CD3G: variants seen among roughly 807,000 people sequenced by gnomAD.
CD3G encodes the protein T-cell surface glycoprotein CD3 gamma chain.
CD3G carries 24 observed loss-of-function variants against 28.3 expected under a neutral mutation model. That is an observed-to-expected ratio of 0.85 (90% CI 0.61 to 1.19). The LOEUF (loss-of-function observed/expected upper bound fraction) is 1.19. Among genes scored for constraint, CD3G ranks in the 50% most tolerant of loss-of-function variants. The probability of loss-of-function intolerance (pLI) is 0.00; values close to 1 mark genes in which losing one functional copy is unlikely to be tolerated. For missense variants in CD3G, 211 were observed against 210.0 expected, an observed-to-expected ratio of 1.00 and a Z score of -0.03; for synonymous variants, 71 against 75.9, an observed-to-expected ratio of 0.93 and a Z score of 0.34.
intron 5 of CD3G, 95 bp downstream of exon 5, chr11:118,351,766 T>A: frequency 9.0e-7 from 1 of 1,110,378 alleles, no homozygotes; most frequent in South Asian, 1.3e-5. Flanking sequence ...CCTATACAGG[T>A]AAGAAACTGC....
intron 5 of CD3G, among the ~76,000 whole-genome samples, chr11:118,352,027 A>G (rs533592478): frequency 2.0e-5 from 3 of 152,252 alleles, no homozygotes; most frequent in African/African-American, 7.2e-5. Flanking sequence ...AGCCTGGCCA[A>G]CATGATGAAA....
intron 1 of CD3G, 37 bp from the exon 2 acceptor site, chr11:118,348,990 G>A: frequency 6.2e-7 from 1 of 1,613,106 alleles, no homozygotes; most frequent in Non-Finnish European, 8.5e-7. Flanking sequence ...ACAACTCCAT[G>A]CCCAGCTAAT....
intron 1 of CD3G, among the ~76,000 whole-genome samples, chr11:118,348,794 G>A (rs541852334): frequency 6.6e-6 from 1 of 152,200 alleles, no homozygotes; most frequent in East Asian, 1.9e-4. Flanking sequence ...AAATTCCAAC[G>A]GTTAGAAACA....
Position 118,354,917 on chromosome 11 carries a change from A to G in CD3G, c.*1817A>G, listed in dbSNP as rs907404796. On this transcript the variant is annotated 3_prime_UTR_variant, in exon 7 of 7. Transcript: ENST00000532917. ...ACCAATCTGTGGTTTGTTTTTCTTA[A>G]TGGTGTCTTTTGAAGTGCAAAAGGT... 2 of 152,018 alleles carry G rather than the reference A, an allele frequency of 1.3e-5. No homozygotes were observed. The highest frequency in any genetic ancestry group is 6.6e-5 in the Admixed American group (1 of 15,262). The allele number at this position is 152,018 out of a possible 1,614,324, so 9.4% of individuals were successfully genotyped here. A position where few individuals can be genotyped will look rare whatever the true frequency, so the allele number is the denominator to read the frequency against.
At position 118,354,903 on chromosome 11, in the gene CD3G, G is replaced by A. The variant is rs747922597; in HGVS notation, c.*1803G>A. ...TGGAAATATTTTCTACCAATCTGTG[G>A]TTTGTTTTTCTTAATGGTGTCTTTT... is the stretch of plus-strand genomic sequence containing the variant. On this transcript the variant is annotated 3_prime_UTR_variant, in exon 7 of 7. Transcript: ENST00000532917. 6.6e-6 allele frequency: 1 copy of A among 152,020 alleles called. No homozygotes were observed. The highest frequency in any genetic ancestry group is 1.5e-5 in the Non-Finnish European group (1 of 67,994). 9.4% of individuals were successfully genotyped at this position (152,020 alleles called of 1,614,324 possible).
chr11:118,345,315 A>G (rs762385928), intron 1 of CD3G, among the ~76,000 whole-genome samples: 1 of 152,258 alleles, frequency 6.6e-6, no homozygotes, highest in Non-Finnish European at 1.5e-5. Context: ...GAAGAAGAGA[A>G]TTACCAAGAG....
intron 4 of CD3G, 129 bp downstream of exon 4, chr11:118,350,812 A>G (rs1424477676): frequency 8.6e-6 from 13 of 1,512,460 alleles, no homozygotes; most frequent in Non-Finnish European, 1.2e-5. Context: ...GTGAGGCTGT[A>G]TTTCTCTGAG....
chr11:118,349,169 G>C, intron 2 of CD3G, 119 bp downstream of exon 2: 1 of 1,608,236 alleles, frequency 6.2e-7, no homozygotes, highest in East Asian at 2.2e-5. Flanking sequence ...CGGGGATAGA[G>C]AGGTGATGTC....
intron 4 of CD3G, chr11:118,351,056 C>A: frequency 3.4e-6 from 1 of 296,394 alleles, no homozygotes; most frequent in Non-Finnish European, 6.0e-6. Context: ...GGCGTGGTGG[C>A]GGGTGCCTGT....
rs1305113307 is a variant in CD3G, at chr11:118,355,006, T to G, written c.*1906T>G. 3.3e-5 allele frequency: 5 copies of G among 152,212 alleles called. No individual in the cohort carries two copies. Among genetic ancestry groups the G allele is most frequent in the Non-Finnish European group, 2.9e-5 (2 of 68,022 alleles). The allele number at this position is 152,212 out of a possible 1,614,324, so 9.4% of individuals were successfully genotyped here. On this transcript the variant is annotated 3_prime_UTR_variant, in exon 7 of 7. Coordinates refer to ENST00000532917, the MANE Select transcript of CD3G (RefSeq NM_000073.3). The stretch of plus-strand genomic sequence containing the variant: ...TATATTGTGCTTTTGGTATCATGTC[T>G]AATAAATCTTTACCAAACCCACAGT...
In CD3G at chr11:118,353,275, A is replaced by G. The variant is rs1948425193; in HGVS notation, c.*175A>G. The stretch of plus-strand genomic sequence containing the variant: ...TCAGAGCAAATTTGGGGGTTTCTCA[A>G]ATAAAATAAAAATAAAAACAAATAC... On this transcript the variant is annotated 3_prime_UTR_variant, in exon 7 of 7. Coordinates refer to ENST00000532917, the MANE Select transcript of CD3G (RefSeq NM_000073.3). The G allele has an allele frequency of 6.6e-6, 1 of 152,154 alleles. No homozygotes were observed. Among genetic ancestry groups the G allele is most frequent in the Non-Finnish European group, 1.5e-5 (1 of 68,030 alleles). The allele number at this position is 152,154 out of a possible 1,614,324, so 9.4% of individuals were successfully genotyped here. A position where few individuals can be genotyped will look rare whatever the true frequency, so the allele number is the denominator to read the frequency against.
chr11:118,351,912 G>T (rs562729238), intron 5 of CD3G, among the ~76,000 whole-genome samples: 1 of 151,864 alleles, frequency 6.6e-6, no homozygotes, highest in Non-Finnish European at 1.5e-5. Flanking sequence ...AGAAACTCTC[G>T]ACAGGCTGGG....
chr11:118,351,186 CA>C (rs34109639), intron 4 of CD3G, among the ~76,000 whole-genome samples: 968 of 70,584 alleles, frequency 0.014, 1 homozygote, highest in Non-Finnish European at 0.016. Flanking sequence ...GACTCCGTCT[CA>C]AAAAAAAAAA....
At chr11:118,351,758 T>C (rs1948412018) in intron 5 of CD3G, 87 bp downstream of exon 5, 2 of 1,249,710 alleles carry the variant, frequency 1.6e-6, no homozygotes, top group Non-Finnish European at 2.4e-6. Context: ...TGGAAGATCC[T>C]ATACAGGTAA....
At chr11:118,352,964 A>G (rs1462424553) in intron 6 of CD3G, among the ~76,000 whole-genome samples, 155 bp from the exon 7 acceptor site, 1 of 152,250 alleles carries the variant, frequency 6.6e-6, no homozygotes, top group Non-Finnish European at 1.5e-5. Context: ...AATCACCCTT[A>G]GTTAAGAACC....
intron 3 of CD3G, 62 bp downstream of exon 3, chr11:118,350,032 CT>C: frequency 7.6e-7 from 1 of 1,309,970 alleles, no homozygotes; most frequent in Non-Finnish European, 1.1e-6. Flanking sequence ...TTCTGGTGAG[CT>C]TTTTATCTGG....
At position 118,350,540 on chromosome 11, in the gene CD3G, T is replaced by A. The variant is rs1349602469; in HGVS notation, c.308-12T>A. On this transcript the variant is annotated splice_polypyrimidine_tract_variant and intron_variant, in intron 3 of 6. Coordinates refer to ENST00000532917, the MANE Select transcript of CD3G (RefSeq NM_000073.3). ...TCGCAACCTGAAGGTTTGTCTCTCC[T>A]TTTCCCTACAGTGTGTCAGAACTGC... The A allele has an allele frequency of 6.2e-7, 1 of 1,602,736 alleles. No individual in the cohort carries two copies.
Position 118,347,011 on chromosome 11 carries a change from A to T in CD3G, c.56-2016A>T, listed in dbSNP as rs56262491. On this transcript the variant is annotated intron_variant, in intron 1 of 6. Coordinates refer to ENST00000532917, the MANE Select transcript of CD3G (RefSeq NM_000073.3). ...TGCTCATTTATTCATTTGCACATTC[A>T]TTCAACAAATAAAGTTCCTACCATG... Among the ~76,000 whole-genome samples the T allele has an allele frequency of 6.0e-3, 906 of 152,244 alleles. 10 individuals carry two copies. Among genetic ancestry groups the T allele is most frequent in the South Asian group, 0.012 (60 of 4,822 alleles).
chr11:118,352,416 C>G lies in CD3G; in HGVS notation c.496C>G (p.Arg166Gly), dbSNP rs201529449. 4 of 1,613,856 alleles carry G rather than the reference C, an allele frequency of 2.5e-6. No individual in the cohort carries two copies. The highest frequency in any genetic ancestry group is 3.4e-6 in the Non-Finnish European group (4 of 1,179,818). Residue 166 changes from arginine to glycine, a missense_variant, in exon 6 of 7, where the codon CGA (arginine) becomes GGA (glycine). Physicochemically the swap from Arg to Gly is moderately radical, Grantham distance 125. Transcript: ENST00000532917. ...NDQLYQPLKD[R>G]EDDQYSHLQG... ...CTGTCCTTTCCAGCCCCTCAAGGAT[C>G]GAGAAGATGACCAGTACAGCCACCT... is the stretch of plus-strand genomic sequence containing the variant.
Sources: gnomAD v4.1 joint callset for allele counts (sites outside exome capture counted in the v4.1 genomes callset) on GRCh38, gnomAD v4.1.1 for gene constraint, MANE v1.5 for transcripts, NCBI Gene and HGNC (gene_info 2026-07-23, HGNC 2026-07-21) for gene names.